The following LYPD6 variants were observed in gnomAD, a reference collection of about 807,000 sequenced individuals.
LYPD6 encodes the protein LY6/PLAUR domain containing 6.
LYPD6 carries 15 observed loss-of-function variants against 22.7 expected under a neutral mutation model. The ratio of observed to expected loss-of-function variants is 0.66; its 90% CI spans 0.44 to 1.02. The LOEUF (loss-of-function observed/expected upper bound fraction) is 1.02. Ranked by LOEUF, LYPD6 falls within the 50% of genes least tolerant of loss-of-function variation. The probability of loss-of-function intolerance (pLI) is 0.00; values close to 1 mark genes in which losing one functional copy is unlikely to be tolerated. For synonymous variants in LYPD6, 72 were observed against 77.5 expected, an observed-to-expected ratio of 0.93 and a Z score of 0.37; for missense variants, 189 against 208.4, an observed-to-expected ratio of 0.91 and a Z score of 0.57.
intron 1 of LYPD6, among the ~76,000 whole-genome samples, chr2:149,424,120 C>T (rs915011792): frequency 5.9e-5 from 9 of 151,962 alleles, no homozygotes; most frequent in Admixed American, 5.9e-4. Context: ...CATGCGTACA[C>T]ATGTCAATAT....
At chr2:149,400,514 G>A (rs923305073) in intron 1 of LYPD6, among the ~76,000 whole-genome samples, 1 of 152,188 alleles carries the variant, frequency 6.6e-6, no homozygotes, top group East Asian at 1.9e-4. Context: ...AACGAATGCT[G>A]TTTAAACCCT....
chr2:149,386,113 T>C (rs955890338), intron 1 of LYPD6, among the ~76,000 whole-genome samples: 5 of 152,220 alleles, frequency 3.3e-5, no homozygotes, highest in African/African-American at 1.2e-4. Flanking sequence ...TGTAAAGAGA[T>C]AAATAGCATG....
chr2:149,463,337 G>A (rs903041259), intron 3 of LYPD6, among the ~76,000 whole-genome samples: 1 of 152,052 alleles, frequency 6.6e-6, no homozygotes, highest in Non-Finnish European at 1.5e-5. Flanking sequence ...GAGATATTAT[G>A]ATACTTCTAT....
chr2:149,344,926 A>G (rs1386514365), intron 1 of LYPD6, among the ~76,000 whole-genome samples: 3 of 152,168 alleles, frequency 2.0e-5, no homozygotes, highest in African/African-American at 7.2e-5. Context: ...TCTTGTGCCT[A>G]TAGTCCACCT....
At chr2:149,437,044 C>T (rs1169298155) in intron 1 of LYPD6, among the ~76,000 whole-genome samples, 1 of 152,216 alleles carries the variant, frequency 6.6e-6, no homozygotes, top group Non-Finnish European at 1.5e-5. Context: ...ATGCCTACCT[C>T]ATACGGTTGC....
intron 3 of LYPD6, among the ~76,000 whole-genome samples, chr2:149,449,947 A>C (rs140101946): frequency 1.2e-3 from 177 of 152,326 alleles, no homozygotes; most frequent in African/African-American, 3.8e-3. Context: ...ATTATTTTTC[A>C]GTATAACACG....
intron 2 of LYPD6, among the ~76,000 whole-genome samples, chr2:149,448,347 A>G (rs1195679056): frequency 6.6e-6 from 1 of 152,202 alleles, no homozygotes; most frequent in Non-Finnish European, 1.5e-5. Context: ...CAACTAGTAT[A>G]TTAATATCAA....
At chr2:149,451,645 C>T (rs2105164889) in intron 3 of LYPD6, among the ~76,000 whole-genome samples, 1 of 152,310 alleles carries the variant, frequency 6.6e-6, no homozygotes, top group Non-Finnish European at 1.5e-5. Flanking sequence ...CTTTTGAGGT[C>T]ATAATCTATC....
At chr2:149,420,545 A>G (rs1683055682) in intron 1 of LYPD6, among the ~76,000 whole-genome samples, 1 of 152,220 alleles carries the variant, frequency 6.6e-6, no homozygotes, top group Non-Finnish European at 1.5e-5. Flanking sequence ...GAGTATTTCA[A>G]GGGTAACACC....
At chr2:149,346,204 T>G (rs900258813) in intron 1 of LYPD6, among the ~76,000 whole-genome samples, 2 of 152,244 alleles carry the variant, frequency 1.3e-5, no homozygotes, top group African/African-American at 4.8e-5. Context: ...AAAATATTTT[T>G]TTTTGTAACT....
At chr2:149,479,233 T>A in the LYPD6 span, among the ~76,000 whole-genome samples, 1 of 152,180 alleles carries the variant, frequency 6.6e-6, no homozygotes, top group African/African-American at 2.4e-5. Context: ...GAAGCTTTCC[T>A]ACTTAGAAAA....
chr2:149,476,607 C>A (rs964016515), downstream of LYPD6, among the ~76,000 whole-genome samples: 1 of 152,162 alleles, frequency 6.6e-6, no homozygotes, highest in South Asian at 2.1e-4. Flanking sequence ...GCAAAATGAA[C>A]AAAATGCCAC....
At chr2:149,422,107 A>T (rs1398236564) in intron 1 of LYPD6, among the ~76,000 whole-genome samples, 1 of 152,192 alleles carries the variant, frequency 6.6e-6, no homozygotes. Context: ...GACCCAGATG[A>T]GTAACCAGGT....
chr2:149,478,377 G>GGTGTGTGTGTGTGTGTGT (rs55853638), downstream of LYPD6, among the ~76,000 whole-genome samples: 64 of 99,380 alleles, frequency 6.4e-4, no homozygotes, highest in African/African-American at 1.7e-3. Flanking sequence ...GGTATATAGA[G>GGTGTGTGTGTGTGTGTGT]GTGTGTGTGT....
At chr2:149,346,854 C>T (rs2105054568) in intron 1 of LYPD6, among the ~76,000 whole-genome samples, 1 of 152,310 alleles carries the variant, frequency 6.6e-6, no homozygotes, top group East Asian at 1.9e-4. Context: ...GCAAGTGCCA[C>T]CACGCCCAGC....
chr2:149,331,129 C>T (rs749985876), intron 1 of LYPD6, among the ~76,000 whole-genome samples: 64 of 152,264 alleles, frequency 4.2e-4, no homozygotes, highest in Non-Finnish European at 6.5e-4. Flanking sequence ...GGCAGCACCC[C>T]ACATGTTGCT....
the LYPD6 span, among the ~76,000 whole-genome samples, chr2:149,485,314 A>G: frequency 6.6e-6 from 1 of 152,188 alleles, no homozygotes; most frequent in African/African-American, 2.4e-5. Flanking sequence ...AAGGCACTGG[A>G]AAAAGCATTA....
chr2:149,445,227 G>C (rs1683660682), intron 2 of LYPD6, among the ~76,000 whole-genome samples: 1 of 152,210 alleles, frequency 6.6e-6, no homozygotes, highest in African/African-American at 2.4e-5. Flanking sequence ...AGACAATTCT[G>C]TAAATAAATG....
At chr2:149,369,642 T>C (rs576791184) in intron 1 of LYPD6, among the ~76,000 whole-genome samples, 14 of 151,906 alleles carry the variant, frequency 9.2e-5, no homozygotes, top group African/African-American at 3.4e-4. Flanking sequence ...GCAGCTGAAA[T>C]GATAGGAAGA....
Sources: gnomAD v4.1 joint callset for allele counts (sites outside exome capture counted in the v4.1 genomes callset) on GRCh38, gnomAD v4.1.1 for gene constraint, MANE v1.5 for transcripts, NCBI Gene and HGNC (gene_info 2026-07-23, HGNC 2026-07-21) for gene names.